DCAF5: variants seen among roughly 807,000 people sequenced by gnomAD.
DCAF5 encodes DDB1 and CUL4 associated factor 5, also known as DDB1- and CUL4-associated factor 5.
DCAF5 carries 9 observed loss-of-function variants against 80.7 expected under a neutral mutation model. That is an observed-to-expected ratio of 0.11 (90% confidence interval 0.07 to 0.19). The LOEUF is 0.19. DCAF5 is among the 10% of genes least tolerant of loss of function. The pLI, the probability that DCAF5 is intolerant of heterozygous loss-of-function variation, is 1.00. For synonymous variants in DCAF5, 433 were observed against 461.9 expected (o/e 0.94, Z 0.80); for missense variants, 842 against 1,205.7 (o/e 0.70, Z 4.47).
intron 5 of DCAF5, among the ~76,000 whole-genome samples, chr14:69,093,723 T>C (rs2039606086): frequency 6.6e-6 from 1 of 152,144 alleles, no homozygotes; most frequent in Non-Finnish European, 1.5e-5. Flanking sequence ...GAAGGAATGC[T>C]CTGGTAGTGC....
At position 69,118,531 on chromosome 14, in the gene DCAF5, A is replaced by G. The variant is rs2040609538; in HGVS notation, c.396-253T>C. Among the ~76,000 whole-genome samples, 1 of 152,196 alleles carries G rather than the reference A, an allele frequency of 6.6e-6. No homozygotes were observed. Among genetic ancestry groups the G allele is most frequent in the Non-Finnish European group, 1.5e-5 (1 of 68,036 alleles). On this transcript the variant is annotated intron_variant, in intron 3 of 8. Transcript: ENST00000341516. This position sits in a 1 kb window ranked among gnomAD's most constrained non-coding sequence, Gnocchi z 4.0. ...TAAGCATATTTAAAAGTGACTCAAT[A>G]GCTGAGTTTTGTATTTTCATTTATT...
chr14:69,121,175 A>T (rs1353122426), intron 2 of DCAF5, among the ~76,000 whole-genome samples: 1 of 152,196 alleles, frequency 6.6e-6, no homozygotes, highest in Non-Finnish European at 1.5e-5. Flanking sequence ...TGGGATTTAG[A>T]CTTCATTCTT....
At chr14:69,066,658 T>C (rs2038456809) in intron 7 of DCAF5, among the ~76,000 whole-genome samples, 1 of 152,160 alleles carries the variant, frequency 6.6e-6, no homozygotes. Context: ...GGAAAACACC[T>C]TGCTCAAAAT....
intron 4 of DCAF5, among the ~76,000 whole-genome samples, chr14:69,116,897 A>G (rs1566769427): frequency 6.6e-6 from 1 of 152,188 alleles, no homozygotes; most frequent in African/African-American, 2.4e-5. Flanking sequence ...TAGTTTTAGA[A>G]AAGTTTTTAA....
chr14:69,120,308 C>T (rs1246110383), intron 2 of DCAF5, among the ~76,000 whole-genome samples: 1 of 152,040 alleles, frequency 6.6e-6, no homozygotes, highest in Non-Finnish European at 1.5e-5. Flanking sequence ...CTATGTTGCC[C>T]AGGCTGGTCT....
chr14:69,055,498 A>G lies in DCAF5; in HGVS notation c.1188T>C (p.Ser396=). Residue 396 remains serine, a synonymous_variant, in exon 9 of 9, where the codon AGT becomes AGC. Coordinates refer to ENST00000341516, the MANE Select transcript of DCAF5 (RefSeq NM_003861.3). This position sits in a 1 kb window ranked among gnomAD's most constrained non-coding sequence, Gnocchi z 5.6. ...CGTAGTCATGCGACAGGCCACTCCC[A>G]CTGTTCAGCACAAGGCTGATGTACT... ...HEEYISLVLN[S]GSGLSHDYAN... is the part of the protein sequence containing the mutation. 1.9e-6 allele frequency: 3 copies of G among 1,614,082 alleles called. No individual in the cohort carries two copies. The highest frequency in any genetic ancestry group is 2.5e-6 in the Non-Finnish European group (3 of 1,180,018).
chr14:69,138,727 C>T (rs768926100), intron 1 of DCAF5, among the ~76,000 whole-genome samples: 4 of 152,194 alleles, frequency 2.6e-5, no homozygotes, highest in African/African-American at 4.8e-5. Flanking sequence ...TTCTATTAGA[C>T]GATCATTAGT....
At chr14:69,102,542 CTTT>C (rs529729141) in intron 5 of DCAF5, among the ~76,000 whole-genome samples, 6 of 129,692 alleles carry the variant, frequency 4.6e-5, no homozygotes, top group South Asian at 2.6e-4. Flanking sequence ...TATCCTTATT[CTTT>C]TTTTTTTTTT....
At chr14:69,062,238 T>A (rs2038241523) in intron 8 of DCAF5, 146 bp downstream of exon 8, 1 of 902,298 alleles carries the variant, frequency 1.1e-6, no homozygotes, top group Non-Finnish European at 1.6e-6. Flanking sequence ...ATCAGCTTTC[T>A]AATATTTTGT....
intron 1 of DCAF5, 150 bp from the exon 2 acceptor site, chr14:69,122,510 C>A: frequency 1.4e-6 from 1 of 696,894 alleles, no homozygotes; most frequent in Non-Finnish European, 2.3e-6. Context: ...AGGACTCTCC[C>A]TGCTTCACCA....
At chr14:69,087,739 A>C (rs1566742591) in intron 6 of DCAF5, among the ~76,000 whole-genome samples, 1 of 152,210 alleles carries the variant, frequency 6.6e-6, no homozygotes, top group Admixed American at 6.5e-5. Flanking sequence ...CATACAGTAA[A>C]TGCTCAGTAA....
rs1052846768 is a variant in DCAF5 at position 69,152,213 on chromosome 14, G to A, written c.214+552C>T. On this transcript the variant is annotated intron_variant, in intron 1 of 8. Coordinates refer to ENST00000341516, the MANE Select transcript of DCAF5 (RefSeq NM_003861.3). The surrounding 1 kb of genome is among the most constrained non-coding windows in gnomAD (Gnocchi z 4.1). ...GGGGGCGGCCCACAGCGACCCTACC[G>A]CCCCAGTCACTTCCCCTCTGCAGAC... 3.3e-5 allele frequency among the ~76,000 whole-genome samples: 5 copies of A among 152,210 alleles called. No individual in the cohort carries two copies. Among genetic ancestry groups the A allele is most frequent in the Middle Eastern group, 3.4e-3 (1 of 294 alleles).
chr14:69,106,766 G>A (rs1049782469), intron 5 of DCAF5, among the ~76,000 whole-genome samples: 1 of 152,180 alleles, frequency 6.6e-6, no homozygotes, highest in South Asian at 2.1e-4. Context: ...CTGGCTGGGC[G>A]CGGTGGCTCA....
At chr14:69,128,411 C>G (rs927386271) in intron 1 of DCAF5, among the ~76,000 whole-genome samples, 1 of 152,208 alleles carries the variant, frequency 6.6e-6, no homozygotes, top group Admixed American at 6.5e-5. Flanking sequence ...GTCTCCAACT[C>G]CTGACTTCAA....
chr14:69,074,342 C>A (rs570623807), intron 7 of DCAF5, among the ~76,000 whole-genome samples: 11 of 151,874 alleles, frequency 7.2e-5, no homozygotes, highest in Middle Eastern at 3.4e-3. Context: ...ACTCATTGAG[C>A]ACATGAAGAC....
intron 8 of DCAF5, among the ~76,000 whole-genome samples, chr14:69,060,618 G>A (rs1174198604): frequency 6.6e-6 from 1 of 151,676 alleles, no homozygotes; most frequent in Non-Finnish European, 1.5e-5. Flanking sequence ...TACAACCTCC[G>A]CGTCCTGGGT....
chr14:69,082,162 C>T (rs996140832), intron 6 of DCAF5, among the ~76,000 whole-genome samples: 1 of 152,202 alleles, frequency 6.6e-6, no homozygotes, highest in Non-Finnish European at 1.5e-5. Context: ...GCATATAATA[C>T]ACCTTTGATC....
chr14:69,062,499 C>T lies in DCAF5; in HGVS notation c.959G>A (p.Arg320Lys). The T allele has an allele frequency of 6.2e-7, 1 of 1,611,982 alleles. No homozygotes were observed. The highest frequency in any genetic ancestry group is 1.3e-5 in the African/African-American group (1 of 74,972). The part of the protein sequence containing the change: ...PADPEAGGIG[R>K]VVNGAFMVLK... ...CACCATGAAGGCTCCGTTGACCACC[C>T]TACCAATGCCACCTGGGAAAACAGA... Residue 320 changes from arginine to lysine, a missense_variant, in exon 8 of 9, where the codon AGG (arginine) becomes AAG (lysine). This residue lies in a region of DCAF5 where 65 missense variants were observed against 191.3 expected (regional missense o/e 0.34). Transcript: ENST00000341516.
intron 6 of DCAF5, chr14:69,089,190 C>T (rs2039446518): frequency 6.6e-6 from 1 of 152,598 alleles, no homozygotes; most frequent in Non-Finnish European, 1.5e-5. Flanking sequence ...ACACATTGAC[C>T]AACGTACTCA....
Sources: gnomAD v4.1 joint callset for allele counts (sites outside exome capture counted in the v4.1 genomes callset) on GRCh38, gnomAD v4.1.1 for gene constraint, gnomAD v4.1.1 regional missense constraint, Gnocchi (gnomAD v3.1) non-coding constraint, MANE v1.5 for transcripts, NCBI Gene and HGNC (gene_info 2026-07-23, HGNC 2026-07-21) for gene names.